Variants in RELN observed in about 807,000 individuals in gnomAD.
RELN encodes reelin.
A neutral mutation model predicts 427.6 loss-of-function variants in RELN; 108 were observed. That is an observed-to-expected ratio of 0.25 (90% CI 0.22 to 0.30). The LOEUF (loss-of-function observed/expected upper bound fraction) is 0.30. Among genes scored for constraint, RELN ranks in the 10% least tolerant of loss-of-function variants. RELN has a pLI of 1.00. For missense variants in RELN, 3,715 were observed against 4,302.8 expected (o/e 0.86, Z 3.82); for synonymous variants, 1,524 against 1,513.4 (o/e 1.01, Z -0.16).
At position 103,651,801 on chromosome 7, in the gene RELN, A is replaced by G. The variant is rs1241474256; in HGVS notation, c.1764-12T>C. 4 of 1,610,722 alleles carry G rather than the reference A, an allele frequency of 2.5e-6. No homozygotes were observed. Among genetic ancestry groups the G allele is most frequent in the Middle Eastern group, 1.7e-4 (1 of 6,030 alleles). On this transcript the variant is annotated splice_polypyrimidine_tract_variant and intron_variant, in intron 14 of 64. Coordinates refer to ENST00000428762, the MANE Select transcript of RELN (RefSeq NM_005045.4). ...ATTCCAAGCTGACACTAATAAAACC[A>G]GAACAAGCACACACAAAAGGTGGGG...
intron 49 of RELN, among the ~76,000 whole-genome samples, chr7:103,515,867 C>G (rs1829555451): frequency 6.6e-6 from 1 of 152,156 alleles, no homozygotes; most frequent in Admixed American, 6.5e-5. Context: ...TCCATGAGTG[C>G]TGGCAAGTGA....
chr7:103,591,191 T>C (rs123713), intron 27 of RELN, among the ~76,000 whole-genome samples: 114,376 of 152,232 alleles, frequency 0.75, 43,537 homozygotes, highest in African/African-American at 0.86. Context: ...ATGGCTTATT[T>C]ACATCTTATT....
At chr7:103,814,958 A>G (rs1429880610) in intron 3 of RELN, among the ~76,000 whole-genome samples, 2 of 152,250 alleles carry the variant, frequency 1.3e-5, no homozygotes, top group Non-Finnish European at 2.9e-5. Flanking sequence ...GTCCAGAGGA[A>G]GGGACAGTTG....
intron 8 of RELN, among the ~76,000 whole-genome samples, chr7:103,714,041 A>G (rs1789874438): frequency 6.6e-6 from 1 of 152,210 alleles, no homozygotes; most frequent in Non-Finnish European, 1.5e-5. Context: ...AACAGTATCT[A>G]AAATATGACT....
chr7:103,644,822 T>C (rs922768856), intron 16 of RELN, among the ~76,000 whole-genome samples: 2 of 151,698 alleles, frequency 1.3e-5, no homozygotes, highest in African/African-American at 4.8e-5. Flanking sequence ...CCAAGTTATA[T>C]AGTCATCAGA....
At chr7:103,869,285 C>G (rs1794272701) in intron 2 of RELN, among the ~76,000 whole-genome samples, 1 of 152,030 alleles carries the variant, frequency 6.6e-6, no homozygotes, top group South Asian at 2.1e-4. Flanking sequence ...TAGGAAATTA[C>G]AAGGATTAAA....
chr7:103,485,970 G>C (rs1828424984), intron 61 of RELN, among the ~76,000 whole-genome samples: 1 of 152,100 alleles, frequency 6.6e-6, no homozygotes, highest in Non-Finnish European at 1.5e-5. Context: ...CCACCACTCA[G>C]CCACTGTGGG....
At chr7:103,900,903 G>C (rs1795069454) in intron 2 of RELN, among the ~76,000 whole-genome samples, 1 of 151,800 alleles carries the variant, frequency 6.6e-6, no homozygotes, top group Admixed American at 6.6e-5. Flanking sequence ...AAGAAAACCT[G>C]GGCAATACCA....
chr7:103,499,731 C>T (rs887375502), intron 53 of RELN, among the ~76,000 whole-genome samples: 2 of 152,146 alleles, frequency 1.3e-5, no homozygotes, highest in African/African-American at 4.8e-5. Flanking sequence ...AGAAGAAATG[C>T]ATGGTTAACC....
chr7:103,636,522 C>G, intron 17 of RELN, 54 bp from the exon 18 acceptor site: 1 of 1,155,744 alleles, frequency 8.7e-7, no homozygotes, highest in African/African-American at 1.5e-5. Context: ...TTCGGAGATT[C>G]TCGAATCTAC....
chr7:103,869,270 T>C (rs1794272320), intron 2 of RELN, among the ~76,000 whole-genome samples: 1 of 152,098 alleles, frequency 6.6e-6, no homozygotes, highest in Non-Finnish European at 1.5e-5. Flanking sequence ...TTTCTTTCTT[T>C]CTTTTAGGAA....
At chr7:103,549,288 T>G (rs996151500) in intron 41 of RELN, among the ~76,000 whole-genome samples, 4 of 152,226 alleles carry the variant, frequency 2.6e-5, no homozygotes, top group African/African-American at 9.6e-5. Flanking sequence ...CTTTGTGGTT[T>G]ATGGATGCTG....
At chr7:103,580,836 G>T (rs1391162043) in intron 28 of RELN, among the ~76,000 whole-genome samples, 1 of 152,124 alleles carries the variant, frequency 6.6e-6, no homozygotes, top group Admixed American at 6.5e-5. Flanking sequence ...AATCAAACAA[G>T]ATTTGTATTC....
chr7:103,873,668 T>C (rs1794406666), intron 2 of RELN, among the ~76,000 whole-genome samples: 1 of 139,390 alleles, frequency 7.2e-6, no homozygotes, highest in Non-Finnish European at 1.6e-5. Context: ...AGAAGTTGAA[T>C]CTCTGAATAG....
intron 2 of RELN, among the ~76,000 whole-genome samples, chr7:103,912,200 G>A (rs1049291467): frequency 1.4e-5 from 2 of 143,590 alleles, no homozygotes; most frequent in African/African-American, 5.6e-5. Context: ...GTCACTTTAA[G>A]CTTTTTTTTT....
In RELN at chr7:103,755,623, A is replaced by AAT. The variant is rs1562993490; in HGVS notation, c.545-2410_545-2409insAT. Among the ~76,000 whole-genome samples the AAT allele has an allele frequency of 3.8e-4, 52 of 137,732 alleles. 1 individual carries two copies. Among genetic ancestry groups the AAT allele is most frequent in the African/African-American group, 4.3e-4 (15 of 35,088 alleles). The allele number at this position is 137,732 out of a possible 152,430, so 90.4% of individuals were successfully genotyped here. ...ACTCTGTCTCAAAAAAAAAATAAAA[A>AAT]AAATAAAATAAATAAAATAAAATAA... On this transcript the variant is annotated intron_variant, in intron 4 of 64. Transcript: ENST00000428762.
chr7:103,491,852 T>TCACACA lies in RELN; in HGVS notation c.9443+100_9443+101insTGTGTG, dbSNP rs1191611145. 1,792 of 437,408 alleles carry TCACACA rather than the reference T, an allele frequency of 4.1e-3. 5 individuals carry two copies. Among genetic ancestry groups the TCACACA allele is most frequent in the East Asian group, 7.2e-3 (101 of 14,100 alleles). The allele number at this position is 437,408 out of a possible 1,614,324, so 27.1% of individuals were successfully genotyped here. ...CTCTCTCTCTCTCTCTCTCTCTCTC[T>TCACACA]CTCTCACACACACACACACACACAC... On this transcript the variant is annotated intron_variant, in intron 58 of 64. Transcript: ENST00000428762.
chr7:103,981,488 A>G (rs980865135), intron 1 of RELN, among the ~76,000 whole-genome samples: 3 of 152,240 alleles, frequency 2.0e-5, no homozygotes, highest in African/African-American at 4.8e-5. Context: ...AACCAACTCT[A>G]TGAGAGGATC....
rs2116860210 is a variant in RELN at position 103,989,243 on chromosome 7, G to A, written c.114C>T (p.Phe38=). 6.2e-7 allele frequency: 1 copy of A among 1,614,006 alleles called. No homozygotes were observed. Among genetic ancestry groups the A allele is most frequent in the Non-Finnish European group, 8.5e-7 (1 of 1,179,960 alleles). Residue 38 remains phenylalanine, a synonymous_variant, in exon 1 of 65, where the codon TTC becomes TTT. Transcript: ENST00000428762. This position sits in a 1 kb window ranked among gnomAD's most constrained non-coding sequence, Gnocchi z 4.9. ...GYYPRFSPFF[F]LCTHHGELEG... ...CCAGCTCCCCGTGGTGGGTGCACAG[G>A]AAAAAGAAGGGCGAAAAGCGGGGGT...
Sources: allele counts gnomAD v4.1 joint callset (sites outside exome capture counted in the v4.1 genomes callset), GRCh38; gene constraint gnomAD v4.1.1; non-coding constraint Gnocchi (gnomAD v3.1); transcripts MANE v1.5; gene names NCBI Gene and HGNC (gene_info 2026-07-23, HGNC 2026-07-21).